The following RAB27B variants were observed in gnomAD, a reference collection of about 807,000 sequenced individuals.
RAB27B encodes RAB27B, member RAS oncogene family.
Under a neutral mutation model 24.6 loss-of-function variants are expected in RAB27B, and 15 were observed. The ratio of observed to expected loss-of-function variants is 0.61; its 90% CI spans 0.41 to 0.94. The LOEUF is 0.94. RAB27B is among the 40% of genes least tolerant of loss of function. The pLI, the probability that RAB27B is intolerant of heterozygous loss-of-function variation, is 0.00. For synonymous variants in RAB27B, 105 were observed against 92.5 expected, an observed-to-expected ratio of 1.14 and a Z score of -0.78; for missense variants, 261 against 266.8, an observed-to-expected ratio of 0.98 and a Z score of 0.15.
intron 2 of RAB27B, among the ~76,000 whole-genome samples, chr18:54,788,275 C>T (rs1387526726): frequency 6.6e-6 from 1 of 152,046 alleles, no homozygotes; most frequent in African/African-American, 2.4e-5. Context: ...TATGGTGATT[C>T]CACTGATTTG....
chr18:54,770,385 C>T (rs1908505631), intron 2 of RAB27B, among the ~76,000 whole-genome samples: 1 of 151,940 alleles, frequency 6.6e-6, no homozygotes, highest in Non-Finnish European at 1.5e-5. Flanking sequence ...CTATTGTGAA[C>T]TATGCATTTG....
Position 54,892,744 on chromosome 18 carries a change from G to A in RAB27B, c.*3331G>A, listed in dbSNP as rs886605946. 9 of 151,864 alleles carry A rather than the reference G, an allele frequency of 5.9e-5. No individual in the cohort carries two copies. The highest frequency in any genetic ancestry group is 1.9e-4 in the East Asian group (1 of 5,178). The allele number at this position is 151,864 out of a possible 1,614,324, so 9.4% of individuals were successfully genotyped here. ...TATCATTTTCGTATTATCAGCTATC[G>A]CCCTGTAAAATATTCAAAACTAGCT... On this transcript the variant is annotated 3_prime_UTR_variant, in exon 6 of 6. Coordinates refer to ENST00000262094, the MANE Select transcript of RAB27B (RefSeq NM_004163.4).
intron 1 of RAB27B, among the ~76,000 whole-genome samples, chr18:54,852,917 A>G (rs1399429672): frequency 1.3e-5 from 2 of 152,178 alleles, no homozygotes; most frequent in Non-Finnish European, 2.9e-5. Context: ...CAGGATGTAG[A>G]CACAGACCAC....
chr18:54,747,964 C>T (rs1910306729), intron 2 of RAB27B, among the ~76,000 whole-genome samples: 1 of 151,928 alleles, frequency 6.6e-6, no homozygotes, highest in South Asian at 2.1e-4. Flanking sequence ...AAAAATTAGC[C>T]ATGCTTGGTG....
intron 1 of RAB27B, among the ~76,000 whole-genome samples, chr18:54,874,856 A>G (rs1222261913): frequency 1.3e-5 from 2 of 152,228 alleles, no homozygotes; most frequent in African/African-American, 2.4e-5. Flanking sequence ...ATAGTTTTAC[A>G]TGAGCAAGTT....
chr18:54,832,735 G>T (rs1910733801), intron 1 of RAB27B, among the ~76,000 whole-genome samples: 1 of 152,084 alleles, frequency 6.6e-6, no homozygotes, highest in Non-Finnish European at 1.5e-5. Context: ...CCTAAGCCAG[G>T]ATGTTTTTTT....
intron 2 of RAB27B, among the ~76,000 whole-genome samples, chr18:54,734,476 G>T (rs1909830042): frequency 6.6e-6 from 1 of 152,098 alleles, no homozygotes; most frequent in Admixed American, 6.6e-5. Context: ...AGACTGATTG[G>T]CTGTGGTTAA....
chr18:54,776,199 G>T (rs1908710182), intron 2 of RAB27B, among the ~76,000 whole-genome samples: 2 of 152,216 alleles, frequency 1.3e-5, no homozygotes, highest in Non-Finnish European at 2.9e-5. Context: ...CCTGGAAATG[G>T]TCTCCTGCTC....
intron 1 of RAB27B, among the ~76,000 whole-genome samples, chr18:54,837,241 G>A (rs910604004): frequency 2.6e-5 from 4 of 152,034 alleles, no homozygotes; most frequent in Non-Finnish European, 4.4e-5. Context: ...AGATCAGTGA[G>A]GAGTGGCAAA....
At chr18:54,740,927 A>T (rs1910051285) in intron 2 of RAB27B, among the ~76,000 whole-genome samples, 1 of 152,200 alleles carries the variant, frequency 6.6e-6, no homozygotes, top group South Asian at 2.1e-4. Context: ...TGAGAAATTG[A>T]TGAAAACATA....
In RAB27B at chr18:54,895,339, T is replaced by G. The variant is rs1196446442; in HGVS notation, c.*5926T>G. 1.3e-5 allele frequency: 2 copies of G among 152,114 alleles called. No homozygotes were observed. Among genetic ancestry groups the G allele is most frequent in the East Asian group, 3.9e-4 (2 of 5,192 alleles). 9.4% of individuals were successfully genotyped at this position (152,114 alleles called of 1,614,324 possible). The stretch of plus-strand genomic sequence containing the variant: ...TTATTCTATATGCCCCTTAATAGAC[T>G]GTGGTTCCTGACGCACACTGTTAGG... On this transcript the variant is annotated 3_prime_UTR_variant, in exon 6 of 6. Coordinates refer to ENST00000262094, the MANE Select transcript of RAB27B (RefSeq NM_004163.4).
chr18:54,890,688 G>T lies in RAB27B; in HGVS notation c.*1275G>T, dbSNP rs993261005. 6.6e-6 allele frequency: 1 copy of T among 152,074 alleles called. No homozygotes were observed. Among genetic ancestry groups the T allele is most frequent in the African/African-American group, 2.4e-5 (1 of 41,426 alleles). 9.4% of individuals were successfully genotyped at this position (152,074 alleles called of 1,614,324 possible). A position where few individuals can be genotyped will look rare whatever the true frequency, so the allele number is the denominator to read the frequency against. ...AATACCTCATTCTGTATTACAATAT[G>T]ATTTTATTTTGCCAAAGGCAAGACA... On this transcript the variant is annotated 3_prime_UTR_variant, in exon 6 of 6. Coordinates refer to ENST00000262094, the MANE Select transcript of RAB27B (RefSeq NM_004163.4).
intron 2 of RAB27B, among the ~76,000 whole-genome samples, chr18:54,820,337 T>C (rs2145165427): frequency 6.6e-6 from 1 of 152,326 alleles, no homozygotes; most frequent in South Asian, 2.1e-4. Context: ...TGGTATCTCA[T>C]TGTGGTTTTG....
intron 2 of RAB27B, among the ~76,000 whole-genome samples, chr18:54,730,088 A>G (rs1909681147): frequency 6.6e-6 from 1 of 152,214 alleles, no homozygotes; most frequent in African/African-American, 2.4e-5. Context: ...AAATATCTCA[A>G]AAAACAAATT....
At chr18:54,871,607 C>G (rs1912466356) in intron 1 of RAB27B, among the ~76,000 whole-genome samples, 1 of 152,076 alleles carries the variant, frequency 6.6e-6, no homozygotes. Context: ...CTTAAGAATA[C>G]TAAATTGCTG....
At chr18:54,719,732 C>A (rs957400099) in intron 2 of RAB27B, among the ~76,000 whole-genome samples, 54 of 152,090 alleles carry the variant, frequency 3.6e-4, no homozygotes, top group African/African-American at 1.3e-3. Flanking sequence ...TATTACATAT[C>A]TTCATAAACT....
At chr18:54,756,609 G>A (rs1908013508) in intron 2 of RAB27B, among the ~76,000 whole-genome samples, 1 of 152,102 alleles carries the variant, frequency 6.6e-6, no homozygotes. Flanking sequence ...AGCCTACTGT[G>A]CTGTCTTCTG....
At chr18:54,858,543 C>T (rs775850572) in intron 1 of RAB27B, among the ~76,000 whole-genome samples, 2 of 151,882 alleles carry the variant, frequency 1.3e-5, no homozygotes, top group Admixed American at 1.3e-4. Context: ...GCCAGTACGC[C>T]CGGCTAATTT....
intron 1 of RAB27B, among the ~76,000 whole-genome samples, 198 bp from the exon 2 acceptor site, chr18:54,877,369 G>C (rs1478748452): frequency 6.6e-6 from 1 of 152,110 alleles, no homozygotes; most frequent in Non-Finnish European, 1.5e-5. Flanking sequence ...GTGATATGTG[G>C]TAAAAAGATT....
Sources: allele counts gnomAD v4.1 joint callset (sites outside exome capture counted in the v4.1 genomes callset), GRCh38; gene constraint gnomAD v4.1.1; transcripts MANE v1.5; gene names NCBI Gene and HGNC (gene_info 2026-07-23, HGNC 2026-07-21).